ROBO2: variants seen among roughly 807,000 people sequenced by gnomAD.
ROBO2 encodes roundabout guidance receptor 2.
In ROBO2, 53 loss-of-function variants were observed where a neutral mutation model predicts 160.8. That is an observed-to-expected ratio of 0.33 (90% CI 0.26 to 0.41). The LOEUF is 0.41. Ranked by LOEUF, ROBO2 falls within the 10% of genes least tolerant of loss-of-function variation. The pLI, the probability that ROBO2 is intolerant of heterozygous loss-of-function variation, is 1.00. For missense variants in ROBO2, 1,577 were observed against 1,722.4 expected, an observed-to-expected ratio of 0.92 and a Z score of 1.49; for synonymous variants, 664 against 611.7, an observed-to-expected ratio of 1.09 and a Z score of -1.26.
chr3:75,933,522 T>G (rs1947633657), intron 1 of ROBO2, among the ~76,000 whole-genome samples: 1 of 152,144 alleles, frequency 6.6e-6, no homozygotes, highest in Non-Finnish European at 1.5e-5. Flanking sequence ...GAGGATTTTT[T>G]TTTTTTTTAA....
At chr3:77,386,472 C>T (rs9873887) in intron 2 of ROBO2, among the ~76,000 whole-genome samples, 32,868 of 151,860 alleles carry the variant, frequency 0.22, 4,547 homozygotes, top group Non-Finnish European at 0.31. Flanking sequence ...TTATAGAAAC[C>T]TTGTAGCAGC....
chr3:75,971,288 G>A (rs1463770987), intron 2 of ROBO2, among the ~76,000 whole-genome samples: 1 of 151,436 alleles, frequency 6.6e-6, no homozygotes, highest in Non-Finnish European at 1.5e-5. Context: ...ATATAATAAT[G>A]AGGTATCATC....
At chr3:77,368,001 T>C (rs2153474379) in intron 2 of ROBO2, among the ~76,000 whole-genome samples, 1 of 152,290 alleles carries the variant, frequency 6.6e-6, no homozygotes. Flanking sequence ...AAGAAGTATG[T>C]TTTTTATAAA....
intron 2 of ROBO2, among the ~76,000 whole-genome samples, chr3:75,937,872 T>TATATATATA (rs1947869085): frequency 1.5e-5 from 2 of 134,248 alleles, no homozygotes; most frequent in African/African-American, 5.3e-5. Context: ...TATATATATA[T>TATATATATA]ATGAGGTATT....
At chr3:76,460,315 C>A (rs1249573494) in intron 2 of ROBO2, among the ~76,000 whole-genome samples, 2 of 151,940 alleles carry the variant, frequency 1.3e-5, no homozygotes, top group African/African-American at 2.4e-5. Flanking sequence ...TATTAACATA[C>A]TCAAAAGAAA....
At chr3:76,518,471 G>C (rs1041976708) in intron 2 of ROBO2, among the ~76,000 whole-genome samples, 8 of 152,040 alleles carry the variant, frequency 5.3e-5, no homozygotes, top group Non-Finnish European at 4.4e-5. Flanking sequence ...GCTGGGTCAA[G>C]TCTCTTTAAG....
chr3:76,925,004 C>T (rs2076888286), intron 2 of ROBO2, among the ~76,000 whole-genome samples: 2 of 151,698 alleles, frequency 1.3e-5, no homozygotes, highest in Admixed American at 6.6e-5. Context: ...GTCAGGAGAT[C>T]GAGACCATCC....
At chr3:76,373,954 G>A (rs1437638310) in intron 2 of ROBO2, among the ~76,000 whole-genome samples, 1 of 151,864 alleles carries the variant, frequency 6.6e-6, no homozygotes, top group Non-Finnish European at 1.5e-5. Flanking sequence ...TAATGAAGGT[G>A]GCTATACCAT....
chr3:77,421,379 C>T (rs2077700761), intron 2 of ROBO2, among the ~76,000 whole-genome samples: 1 of 152,044 alleles, frequency 6.6e-6, no homozygotes, highest in East Asian at 1.9e-4. Flanking sequence ...TCGTGTATAA[C>T]ATTTTTTTTC....
At chr3:76,479,058 G>A (rs1435178136) in intron 2 of ROBO2, among the ~76,000 whole-genome samples, 2 of 152,090 alleles carry the variant, frequency 1.3e-5, no homozygotes, top group African/African-American at 4.8e-5. Flanking sequence ...AATGGCCTCT[G>A]CTGCATTAAG....
chr3:77,330,591 G>A (rs1042982774), intron 2 of ROBO2, among the ~76,000 whole-genome samples: 6 of 152,118 alleles, frequency 3.9e-5, no homozygotes, highest in Non-Finnish European at 8.8e-5. Context: ...GAGCTGAGAG[G>A]GTGAAGTAAA....
At chr3:76,979,625 T>C (rs903760076) in intron 2 of ROBO2, among the ~76,000 whole-genome samples, 2 of 151,546 alleles carry the variant, frequency 1.3e-5, no homozygotes, top group Admixed American at 6.6e-5. Flanking sequence ...CGCAGGTATA[T>C]GTTTGATATG....
chr3:77,535,362 T>C (rs2092026113), intron 6 of ROBO2, among the ~76,000 whole-genome samples: 2 of 152,098 alleles, frequency 1.3e-5, no homozygotes, highest in African/African-American at 4.8e-5. Context: ...ATGTCTTGTC[T>C]CACCATTTAC....
intron 5 of ROBO2, among the ~76,000 whole-genome samples, chr3:77,494,289 T>A (rs903261177): frequency 1.3e-5 from 2 of 152,116 alleles, no homozygotes; most frequent in African/African-American, 2.4e-5. Flanking sequence ...TTAAAAAAAA[T>A]TTTTTGGCTG....
chr3:77,502,109 G>A (rs1029193703), intron 5 of ROBO2, among the ~76,000 whole-genome samples: 2 of 152,160 alleles, frequency 1.3e-5, no homozygotes, highest in African/African-American at 4.8e-5. Context: ...GATATGCAGA[G>A]AGGGTAAATA....
intron 2 of ROBO2, among the ~76,000 whole-genome samples, chr3:76,438,132 T>C (rs2076764561): frequency 6.6e-6 from 1 of 152,150 alleles, no homozygotes; most frequent in Admixed American, 6.6e-5. Context: ...AGACAGGCAA[T>C]ATTCATTCTT....
intron 2 of ROBO2, among the ~76,000 whole-genome samples, chr3:77,162,699 T>G (rs558527544): frequency 6.6e-6 from 1 of 152,350 alleles, no homozygotes; most frequent in East Asian, 1.9e-4. Context: ...TGTTATGTAT[T>G]TATTCTTTCC....
chr3:76,037,135 C>G (rs2067135204), intron 2 of ROBO2, among the ~76,000 whole-genome samples: 1 of 151,892 alleles, frequency 6.6e-6, no homozygotes, highest in Non-Finnish European at 1.5e-5. Flanking sequence ...GCTGTAAATC[C>G]TATTAAATAA....
At chr3:77,234,686 A>G (rs979279384) in intron 2 of ROBO2, among the ~76,000 whole-genome samples, 1 of 152,196 alleles carries the variant, frequency 6.6e-6, no homozygotes, top group African/African-American at 2.4e-5. Context: ...TTTCATGTTG[A>G]CCTATGTAAG....
Sources: gnomAD v4.1 joint callset for allele counts (sites outside exome capture counted in the v4.1 genomes callset) on GRCh38, gnomAD v4.1.1 for gene constraint, MANE v1.5 for transcripts, NCBI Gene and HGNC (gene_info 2026-07-23, HGNC 2026-07-21) for gene names.